The following SRPRB variants were observed in gnomAD, a reference collection of about 807,000 sequenced individuals.
SRPRB encodes the protein signal recognition particle receptor subunit beta.
A neutral mutation model predicts 31.9 loss-of-function variants in SRPRB; 20 were observed. The ratio of observed to expected loss-of-function variants is 0.63; its 90% CI spans 0.44 to 0.91. SRPRB has a LOEUF of 0.91. Among genes scored for constraint, SRPRB ranks in the 40% least tolerant of loss-of-function variants. The pLI is 0.00. For missense variants in SRPRB, 321 were observed against 324.9 expected (o/e 0.99, Z 0.09); for synonymous variants, 146 against 132.8 (o/e 1.10, Z -0.68).
At position 133,811,197 on chromosome 3, in the gene SRPRB, C is replaced by G; in HGVS notation, c.408C>G (p.Ala136=). Residue 136 remains alanine, a splice_region_variant and synonymous_variant, in exon 4 of 7, where the codon GCC becomes GCG. Coordinates refer to ENST00000678299, the MANE Select transcript of SRPRB (RefSeq NM_001379313.1). ...LQFLERFKSS[A]RAIVFVVDSA... The stretch of plus-strand genomic sequence containing the variant: ...TCTTAGAGCGGTTTAAGTCTTCAGC[C>G]AGGTAAGAAGGAAAGAAGTGAAGTG... The G allele has an allele frequency of 6.8e-6, 11 of 1,614,056 alleles. No individual in the cohort carries two copies. The highest frequency in any genetic ancestry group is 9.3e-6 in the Non-Finnish European group (11 of 1,179,986).
intron 3 of SRPRB, among the ~76,000 whole-genome samples, 159 bp downstream of exon 3, chr3:133,807,982 C>T (rs900740651): frequency 6.6e-6 from 1 of 152,202 alleles, no homozygotes; most frequent in African/African-American, 2.4e-5. Context: ...TCTTGACAAT[C>T]TGTACAGTAG....
intron 4 of SRPRB, among the ~76,000 whole-genome samples, chr3:133,814,057 T>C (rs879305679): frequency 2.0e-5 from 3 of 152,022 alleles, no homozygotes; most frequent in Non-Finnish European, 2.9e-5. Flanking sequence ...CAGTTCTAGC[T>C]CCCCAGCTGC....
chr3:133,799,926 C>T (rs779607145), intron 1 of SRPRB, among the ~76,000 whole-genome samples: 3 of 152,184 alleles, frequency 2.0e-5, no homozygotes, highest in African/African-American at 4.8e-5. Context: ...GTCACTGTAA[C>T]GCCAGCATGT....
chr3:133,805,297 T>A (rs1246481780), upstream of SRPRB, among the ~76,000 whole-genome samples: 1 of 152,194 alleles, frequency 6.6e-6, no homozygotes, highest in Non-Finnish European at 1.5e-5. Flanking sequence ...GCACAGCACC[T>A]TTTTTTCCTT....
chr3:133,801,977 T>C (rs921253898), upstream of SRPRB, among the ~76,000 whole-genome samples: 1 of 150,240 alleles, frequency 6.7e-6, no homozygotes, highest in Non-Finnish European at 1.5e-5. Context: ...TACGGTTAAG[T>C]AGATAGAAGC....
At chr3:133,794,261 T>C (rs957712234) in intron 1 of SRPRB, 1 of 152,226 alleles carries the variant, frequency 6.6e-6, no homozygotes, top group African/African-American at 2.4e-5. Flanking sequence ...AAATTGAATA[T>C]ATTGATGTGG....
chr3:133,823,832 A>G (rs1207541239), downstream of SRPRB, among the ~76,000 whole-genome samples: 1 of 152,096 alleles, frequency 6.6e-6, no homozygotes, highest in Non-Finnish European at 1.5e-5. Flanking sequence ...TTGCCTTTAA[A>G]TGGCTTTCTG....
chr3:133,827,664 C>G (rs1289084272), downstream of SRPRB: 1 of 555,460 alleles, frequency 1.8e-6, no homozygotes, highest in Non-Finnish European at 3.2e-6. Context: ...AACAAATCAG[C>G]TTTTCCAGAA....
At chr3:133,827,422 A>G (rs996194017), downstream of SRPRB, 1 of 156,502 alleles carries the variant, frequency 6.4e-6, no homozygotes, top group African/African-American at 2.4e-5. Context: ...CAAGTAGGTT[A>G]TATCACTTAG....
downstream of SRPRB, chr3:133,824,109 A>G (rs976665307): frequency 6.6e-6 from 1 of 152,274 alleles, no homozygotes; most frequent in African/African-American, 2.4e-5. Flanking sequence ...GCAAAGCAGC[A>G]AAGGGCTTTA....
intron 1 of SRPRB, chr3:133,786,370 G>C (rs973798654): frequency 2.6e-5 from 4 of 151,736 alleles, no homozygotes; most frequent in African/African-American, 9.7e-5. Flanking sequence ...GTTTTGGTTG[G>C]GGGGGGTGGC....
chr3:133,790,345 A>G (rs1934801307), intron 1 of SRPRB: 1 of 152,212 alleles, frequency 6.6e-6, no homozygotes, highest in Admixed American at 6.5e-5. Context: ...TACTAAGGAT[A>G]AGAATTCTAG....
intron 6 of SRPRB, among the ~76,000 whole-genome samples, chr3:133,818,785 AGTGTGTGTGTGTGTGT>A (rs146467727): frequency 8.8e-4 from 127 of 144,206 alleles, no homozygotes; most frequent in African/African-American, 3.2e-3. Flanking sequence ...ATACTTTTAC[AGTGTGTGTGTGTGTGT>A]GTGTGTGTGT....
Position 133,792,020 on chromosome 3 carries a change from A to C in SRPRB, c.-174+7876A>C, listed in dbSNP as rs1007525767. 4 of 152,336 alleles carry C rather than the reference A, an allele frequency of 2.6e-5. No homozygotes were observed. The East Asian group carries it at 7.7e-4, about 29-fold the overall frequency. The allele number at this position is 152,336 out of a possible 1,614,324, so 9.4% of individuals were successfully genotyped here. A position where few individuals can be genotyped will look rare whatever the true frequency, so the allele number is the denominator to read the frequency against. On this transcript the variant is annotated intron_variant, in intron 1 of 7. Transcript: ENST00000466490. ...TTGGTAAAATAAAAATATCTTCAAA[A>C]TGTAAATATTTAGTCTAAATTATGC...
downstream of SRPRB, among the ~76,000 whole-genome samples, chr3:133,823,229 T>C (rs370763655): frequency 1.6e-4 from 24 of 152,280 alleles, no homozygotes; most frequent in East Asian, 7.7e-4. Flanking sequence ...CACATGGCCA[T>C]GTTCTGTTGA....
chr3:133,803,191 T>C (rs1469643417), upstream of SRPRB, among the ~76,000 whole-genome samples: 1 of 152,100 alleles, frequency 6.6e-6, no homozygotes, highest in Admixed American at 6.5e-5. Flanking sequence ...TTTTTTTTCC[T>C]CTCAAGTCAT....
chr3:133,807,249 A>ATTTTTT (rs60049102), intron 2 of SRPRB, among the ~76,000 whole-genome samples: 2 of 114,648 alleles, frequency 1.7e-5, no homozygotes, highest in South Asian at 2.9e-4. Flanking sequence ...AAATACCTCC[A>ATTTTTT]TTTTTTTTTT....
chr3:133,815,258 T>G (rs1935346006), intron 4 of SRPRB, among the ~76,000 whole-genome samples: 1 of 152,216 alleles, frequency 6.6e-6, no homozygotes, highest in Admixed American at 6.5e-5. Context: ...CTGGTCTCAT[T>G]TAAATGATCT....
At chr3:133,807,985 T>A (rs1052144911) in intron 3 of SRPRB, among the ~76,000 whole-genome samples, 162 bp downstream of exon 3, 8 of 152,224 alleles carry the variant, frequency 5.3e-5, no homozygotes, top group African/African-American at 1.7e-4. Flanking sequence ...TGACAATCTG[T>A]ACAGTAGATT....
Sources: allele counts gnomAD v4.1 joint callset (sites outside exome capture counted in the v4.1 genomes callset), GRCh38; gene constraint gnomAD v4.1.1; transcripts MANE v1.5; gene names NCBI Gene and HGNC (gene_info 2026-07-23, HGNC 2026-07-21).